MCM10: variants seen among roughly 807,000 people sequenced by gnomAD.
The protein encoded by MCM10 is protein MCM10 homolog.
In MCM10, 91 loss-of-function variants were observed where a neutral mutation model predicts 109.9. That is an observed-to-expected ratio of 0.83 (90% CI 0.70 to 0.99). The LOEUF is 0.99. Among genes scored for constraint, MCM10 ranks in the 50% least tolerant of loss-of-function variants. The pLI is 0.00. For missense variants in MCM10, 1,077 were observed against 1,061.2 expected (o/e 1.01, Z -0.21); for synonymous variants, 380 against 387.2 (o/e 0.98, Z 0.22).
intron 18 of MCM10, among the ~76,000 whole-genome samples, chr10:13,206,239 C>T (rs946395533): frequency 6.6e-6 from 1 of 152,152 alleles, no homozygotes; most frequent in African/African-American, 2.4e-5. Flanking sequence ...CGCTATGTTC[C>T]TCGGCTTCCT....
chr10:13,204,480 T>C (rs1564394750), intron 18 of MCM10, 116 bp downstream of exon 18: 1 of 1,311,860 alleles, frequency 7.6e-7, no homozygotes, highest in South Asian at 1.4e-5. Context: ...TTCCTATAGC[T>C]CCAGGCTACC....
intron 5 of MCM10, among the ~76,000 whole-genome samples, chr10:13,175,098 G>A (rs957638429): frequency 2.0e-5 from 3 of 151,704 alleles, no homozygotes; most frequent in African/African-American, 7.3e-5. Flanking sequence ...ACTGCACTCT[G>A]GGCAACAAGA....
At chr10:13,207,849 C>T (rs954510277) in intron 18 of MCM10, among the ~76,000 whole-genome samples, 22 of 152,074 alleles carry the variant, frequency 1.4e-4, no homozygotes, top group Non-Finnish European at 1.5e-5. Flanking sequence ...AGCATGAGAA[C>T]AGACTAATGA....
chr10:13,205,168 C>T lies in MCM10; in HGVS notation c.2498+804C>T, dbSNP rs1834562951. ...CACCTGAAATAATGTACATTGTACCCATTAAGTAATTTCTCCTCCCTCGCC... is the reference window on the plus strand; with the variant it reads ...CACCTGAAATAATGTACATTGTACCTATTAAGTAATTTCTCCTCCCTCGCC... On this transcript the variant is annotated intron_variant, in intron 18 of 19. Transcript: ENST00000378714. 3.3e-5 allele frequency among the ~76,000 whole-genome samples: 5 copies of T among 151,824 alleles called. No homozygotes were observed. In the South Asian group the frequency reaches 1.0e-3, roughly 32 times the overall value.
intron 6 of MCM10, among the ~76,000 whole-genome samples, chr10:13,176,826 C>G (rs1203280876): frequency 1.3e-5 from 2 of 152,112 alleles, no homozygotes; most frequent in Non-Finnish European, 2.9e-5. Flanking sequence ...CCCAGGAGTT[C>G]AAGACTGCAG....
chr10:13,177,835 G>T (rs1304688392), intron 6 of MCM10, among the ~76,000 whole-genome samples: 3 of 134,570 alleles, frequency 2.2e-5, no homozygotes, highest in East Asian at 4.1e-4. Flanking sequence ...GGACAACAGA[G>T]CAAGACCCTA....
Position 13,209,609 on chromosome 10 carries a change from T to C in MCM10, c.*299T>C, listed in dbSNP as rs1267460909. The C allele has an allele frequency of 2.3e-6, 1 of 425,620 alleles. No individual in the cohort carries two copies. The highest frequency in any genetic ancestry group is 2.0e-5 in the African/African-American group (1 of 50,116). 26.4% of individuals were successfully genotyped at this position (425,620 alleles called of 1,614,324 possible). Reference sequence around the variant, plus strand: ...AAATTGGAAGGTAAACAGAGAGCTATGTTTCTGTATCTTTTGGTTATAGAG... The same window carrying C: ...AAATTGGAAGGTAAACAGAGAGCTACGTTTCTGTATCTTTTGGTTATAGAG... On this transcript the variant is annotated 3_prime_UTR_variant, in exon 20 of 20. Coordinates refer to ENST00000378714, the MANE Select transcript of MCM10 (RefSeq NM_018518.5).
At chr10:13,191,230 GCCTTCTTTA>G in intron 10 of MCM10, 60 bp from the exon 11 acceptor site, 1 of 991,046 alleles carries the variant, frequency 1.0e-6, no homozygotes, top group South Asian at 1.3e-5. Context: ...TGATATCTAT[GCCTTCTTTA>G]CCTCATCAGA....
chr10:13,190,298 A>G (rs1393777420), intron 10 of MCM10, among the ~76,000 whole-genome samples: 2 of 152,254 alleles, frequency 1.3e-5, no homozygotes, highest in Non-Finnish European at 2.9e-5. Context: ...CCAATCTGCT[A>G]AAACAATACA....
chr10:13,209,260 C>G lies in MCM10; in HGVS notation c.2575C>G (p.Leu859Val). 1 of 1,614,076 alleles carries G rather than the reference C, an allele frequency of 6.2e-7. No homozygotes were observed. Among genetic ancestry groups the G allele is most frequent in the Non-Finnish European group, 8.5e-7 (1 of 1,179,936 alleles). The change falls in exon 20 of 20, where the codon CTG (leucine) becomes GTG (valine). Residue 859 changes from leucine to valine, a missense_variant. Leu to Val is a conservative substitution (Grantham distance 32, BLOSUM62 1). Transcript: ENST00000378714. Reference protein sequence around the residue: ...KTGPKIGGETLLPRGEEHAKF... With the variant: ...KTGPKIGGETVLPRGEEHAKF... ...TGGTCCAAAGATAGGAGGAGAAACTCTGTTACCAAGAGGAGAAGAACATGC... is the reference window on the plus strand; with the variant it reads ...TGGTCCAAAGATAGGAGGAGAAACTGTGTTACCAAGAGGAGAAGAACATGC...
intron 10 of MCM10, among the ~76,000 whole-genome samples, chr10:13,190,288 C>T (rs1834330041): frequency 1.3e-5 from 2 of 152,116 alleles, no homozygotes; most frequent in Admixed American, 6.5e-5. Flanking sequence ...CTGAATTTTT[C>T]CAATCTGCTA....
rs567227323 is a variant in MCM10 at position 13,203,412 on chromosome 10, G to A, written c.2353-807G>A. Among the ~76,000 whole-genome samples the A allele has an allele frequency of 1.6e-4, 24 of 152,232 alleles. No individual in the cohort carries two copies. The South Asian group carries it at 5.0e-3, about 32-fold the overall frequency. ...CCATTGGGCCCACCCAGATCATCTA[G>A]GACAATCTCCCTATCCATTAGCAAC... On this transcript the variant is annotated intron_variant, in intron 17 of 19. Transcript: ENST00000378714.
chr10:13,163,028 A>G (rs1004440667), intron 1 of MCM10, among the ~76,000 whole-genome samples: 3 of 152,046 alleles, frequency 2.0e-5, no homozygotes, highest in South Asian at 2.1e-4. Flanking sequence ...GCAGTGAGCC[A>G]AGATCGCCCC....
intron 15 of MCM10, among the ~76,000 whole-genome samples, chr10:13,198,303 G>A (rs898162075): frequency 3.3e-5 from 5 of 152,106 alleles, no homozygotes; most frequent in Admixed American, 2.6e-4. Flanking sequence ...ATATATATTA[G>A]CATAAAGATT....
intron 14 of MCM10, 32 bp from the exon 15 acceptor site, chr10:13,197,591 T>G (rs1834437891): frequency 6.2e-7 from 1 of 1,600,980 alleles, no homozygotes; most frequent in South Asian, 1.1e-5. Context: ...ATCTTTTAGA[T>G]CTTTACCTCC....
intron 1 of MCM10, among the ~76,000 whole-genome samples, chr10:13,162,968 A>C (rs1259450576): frequency 6.6e-6 from 1 of 151,840 alleles, no homozygotes; most frequent in Non-Finnish European, 1.5e-5. Context: ...AGTCCCAGCT[A>C]CTCGGGAGGC....
chr10:13,170,357 GT>G (rs941117738), intron 2 of MCM10, among the ~76,000 whole-genome samples: 5 of 146,960 alleles, frequency 3.4e-5, no homozygotes, highest in African/African-American at 1.2e-4. Context: ...TTTTTATATA[GT>G]TTGTATCTTT....
chr10:13,164,979 A>T (rs1265764846), intron 2 of MCM10, among the ~76,000 whole-genome samples: 5 of 151,682 alleles, frequency 3.3e-5, no homozygotes, highest in African/African-American at 4.9e-5. Context: ...GGGTTTTTTT[A>T]AAAAATTCAA....
chr10:13,171,398 G>T, intron 3 of MCM10, 135 bp downstream of exon 3: 1 of 860,186 alleles, frequency 1.2e-6, no homozygotes. Flanking sequence ...AAAAAAGAAA[G>T]AAAATTATAT....
Sources: allele counts gnomAD v4.1 joint callset (sites outside exome capture counted in the v4.1 genomes callset), GRCh38; gene constraint gnomAD v4.1.1; transcripts MANE v1.5; gene names NCBI Gene and HGNC (gene_info 2026-07-23, HGNC 2026-07-21).